The following VPS29 variants were observed in gnomAD, a reference collection of about 807,000 sequenced individuals.
VPS29 encodes VPS29 retromer complex component.
A neutral mutation model predicts 20.0 loss-of-function variants in VPS29; 2 were observed. That is an observed-to-expected ratio of 0.10 (90% CI 0.04 to 0.31). VPS29 has a LOEUF of 0.31. VPS29 is among the 10% of genes least tolerant of loss of function. The pLI is 1.00. For synonymous variants in VPS29, 81 were observed against 79.3 expected (o/e 1.02, Z -0.12); for missense variants, 120 against 215.3 (o/e 0.56, Z 2.77).
chr12:110,495,447 A>G (rs1006468394), intron 2 of VPS29, among the ~76,000 whole-genome samples: 9 of 152,204 alleles, frequency 5.9e-5, no homozygotes, highest in African/African-American at 2.2e-4. Context: ...GTGGTGGCTC[A>G]TGCCTGTAAT....
chr12:110,497,619 G>A (rs903292594), intron 1 of VPS29, among the ~76,000 whole-genome samples: 2 of 151,952 alleles, frequency 1.3e-5, no homozygotes, highest in South Asian at 2.1e-4. Context: ...GGCTGAGTGC[G>A]GTGGCTCACA....
At chr12:110,492,395 C>T (rs2062830194) in intron 3 of VPS29, among the ~76,000 whole-genome samples, 1 of 152,008 alleles carries the variant, frequency 6.6e-6, no homozygotes, top group South Asian at 2.1e-4. Flanking sequence ...CATGGTGAAA[C>T]CCCATCTCTA....
chr12:110,493,677 T>C (rs1249702862), intron 2 of VPS29, among the ~76,000 whole-genome samples: 1 of 152,134 alleles, frequency 6.6e-6, no homozygotes, highest in Non-Finnish European at 1.5e-5. Context: ...TTATAAATAT[T>C]TTATTTCTTC....
chr12:110,501,503 T>G, intron 1 of VPS29: 2 of 1,535,480 alleles, frequency 1.3e-6, no homozygotes, highest in Non-Finnish European at 1.7e-6. Flanking sequence ...CACCTGCTCA[T>G]CTCAATGGCA....
rs376622270 is a variant in VPS29, at chr12:110,499,454, G to C, written c.3+2595C>G. 114 of 1,587,198 alleles carry C rather than the reference G, an allele frequency of 7.2e-5. No homozygotes were observed. In the African/African-American group the frequency reaches 1.4e-3, roughly 20 times the overall value. ...GGAATTCGGTTACTTCCTTTCAACA[G>C]ACCTTAAAAGGGTAAGAAATCCAGT... On this transcript the variant is annotated intron_variant, in intron 1 of 3. Transcript: ENST00000549578.
chr12:110,501,804 T>C, intron 1 of VPS29: 1 of 1,140,298 alleles, frequency 8.8e-7, no homozygotes, highest in African/African-American at 1.5e-5. Flanking sequence ...AGGGGCCTTT[T>C]TACCCCTTGG....
intron 3 of VPS29, 51 bp downstream of exon 3, chr12:110,492,945 A>G (rs770260265): frequency 6.7e-7 from 1 of 1,485,700 alleles, no homozygotes; most frequent in Non-Finnish European, 9.2e-7. Flanking sequence ...AATGTCACAC[A>G]TGCAATTATT....
At position 110,502,060 on chromosome 12, in the gene VPS29, CGG is replaced by C. The variant is rs752830195; in HGVS notation, c.-11_-10del. On this transcript the variant is annotated 5_prime_UTR_variant, in exon 1 of 4. Coordinates refer to ENST00000549578, the MANE Select transcript of VPS29 (RefSeq NM_016226.5). ...ACTGCAGCCCTCACCATCCTGTCAC[CGG>C]GCTCCGCTCAGTCACCACCACCGTC... 2.5e-6 allele frequency: 4 copies of C among 1,612,170 alleles called. No individual in the cohort carries two copies. In the South Asian group the frequency reaches 4.4e-5, roughly 18 times the overall value.
intron 2 of VPS29, among the ~76,000 whole-genome samples, chr12:110,494,251 ATTTTT>A (rs913907254): frequency 4.3e-5 from 6 of 139,976 alleles, no homozygotes; most frequent in African/African-American, 1.6e-4. Context: ...ATATGTATAA[ATTTTT>A]TTTTTTTTTT....
intron 1 of VPS29, chr12:110,498,759 T>C (rs73191824): frequency 0.079 from 65,719 of 829,126 alleles, 2,876 homozygotes; most frequent in Middle Eastern, 0.098. Flanking sequence ...GGACAAAACA[T>C]CTGTAAAACT....
chr12:110,492,599 TTTTATTTATTTATTTATTTATTTA>T (rs58647450), intron 3 of VPS29, among the ~76,000 whole-genome samples: 8 of 132,344 alleles, frequency 6.0e-5, no homozygotes, highest in Non-Finnish European at 1.1e-4. Flanking sequence ...TTTATTTTTA[TTTTATTTATTTATTTATTTATTTA>T]TTTATTTATT....
rs371290549 is a variant in VPS29, at chr12:110,492,257, A to C, written c.432-135T>G. 88 of 715,660 alleles carry C rather than the reference A, an allele frequency of 1.2e-4. 1 individual carries two copies. The African/African-American group carries it at 1.4e-3, about 11-fold the overall frequency. The allele number at this position is 715,660 out of a possible 1,614,324, so 44.3% of individuals were successfully genotyped here. A position where few individuals can be genotyped will look rare whatever the true frequency, so the allele number is the denominator to read the frequency against. On this transcript the variant is annotated intron_variant, in intron 3 of 3. Transcript: ENST00000549578. ...TGAACAGTTACCAAAAGATTGCCAA[A>C]ATGGCTAGATTTATTTAAATGGTCA... is the stretch of plus-strand genomic sequence containing the variant.
At chr12:110,498,682 AT>A (rs2062946587) in intron 1 of VPS29, 2 of 220,770 alleles carry the variant, frequency 9.1e-6, no homozygotes, top group South Asian at 1.6e-4. Context: ...ATTCTTCTTT[AT>A]AAAGACTAGT....
intron 2 of VPS29, among the ~76,000 whole-genome samples, chr12:110,495,574 G>C (rs1412125975): frequency 6.6e-6 from 1 of 152,054 alleles, no homozygotes; most frequent in East Asian, 1.9e-4. Context: ...TGGATGTGAT[G>C]GTGTGTGCCT....
intron 1 of VPS29, chr12:110,501,293 C>T (rs1399585467): frequency 7.7e-7 from 1 of 1,305,260 alleles, no homozygotes; most frequent in African/African-American, 1.5e-5. Flanking sequence ...GGGGTGATTG[C>T]TTGAAGGTGG....
intron 1 of VPS29, 159 bp from the exon 2 acceptor site, chr12:110,496,362 C>G: frequency 1.6e-6 from 1 of 606,566 alleles, no homozygotes; most frequent in Non-Finnish European, 2.6e-6. Flanking sequence ...ATCTCAGAAG[C>G]TGAATCTGTA....
intron 3 of VPS29, among the ~76,000 whole-genome samples, chr12:110,492,619 ATTTATTT>A (rs1323637738): frequency 1.4e-5 from 2 of 147,290 alleles, no homozygotes; most frequent in African/African-American, 5.0e-5. Flanking sequence ...TTATTTATTT[ATTTATTT>A]ATTTATTTAT....
intron 2 of VPS29, 23 bp from the exon 3 acceptor site, chr12:110,493,254 G>A (rs1173366452): frequency 7.0e-7 from 1 of 1,425,382 alleles, no homozygotes; most frequent in South Asian, 1.6e-5. Flanking sequence ...AAAGACGTAA[G>A]AAAATATGTA....
At position 110,496,108 on chromosome 12, in the gene VPS29, G is replaced by A. The variant is rs1302330113; in HGVS notation, c.99C>T (p.His33=). ...KKLLVPGKIQ[H]ILCTGNLCTK... ...TGCAAAGGTTTCCTGTGCAGAGAAT[G>A]TGCTGAATTTTTCCTGGCACCAGGA... The change falls in exon 2 of 4, where the codon CAC becomes CAT. Residue 33 remains histidine (H), a synonymous_variant. Coordinates refer to ENST00000549578, the MANE Select transcript of VPS29 (RefSeq NM_016226.5). The A allele has an allele frequency of 1.2e-6, 2 of 1,614,100 alleles. No individual in the cohort carries two copies. The highest frequency in any genetic ancestry group is 1.1e-5 in the South Asian group (1 of 91,072).
Sources: allele counts gnomAD v4.1 joint callset (sites outside exome capture counted in the v4.1 genomes callset), GRCh38; gene constraint gnomAD v4.1.1; transcripts MANE v1.5; gene names NCBI Gene and HGNC (gene_info 2026-07-23, HGNC 2026-07-21).